Variants in PRTG observed in about 807,000 individuals in gnomAD.
PRTG encodes immunoglobulin superfamily, DCC subclass, member 5.
PRTG carries 67 observed loss-of-function variants against 122.5 expected under a neutral mutation model. That is an observed-to-expected ratio of 0.55 (90% CI 0.45 to 0.67). The LOEUF (loss-of-function observed/expected upper bound fraction) is 0.67, where lower values mean the gene tolerates loss of function less well. PRTG is among the 30% of genes least tolerant of loss of function. PRTG has a pLI of 0.00. For missense variants in PRTG, 1,435 were observed against 1,415.4 expected (o/e 1.01, Z -0.22); for synonymous variants, 554 against 501.1 (o/e 1.11, Z -1.41).
chr15:55,725,985 C>T lies in PRTG; in HGVS notation c.397+14397G>A, dbSNP rs187368628. ...TTTGAGACAGAGTCTCACTCTGTTGCGAGGCTGGAGTGCAGTGGCGTGATC... is the reference window on the plus strand; with the variant it reads ...TTTGAGACAGAGTCTCACTCTGTTGTGAGGCTGGAGTGCAGTGGCGTGATC... On this transcript the variant is annotated intron_variant, in intron 2 of 19. Coordinates refer to ENST00000389286, the MANE Select transcript of PRTG (RefSeq NM_173814.6). Among the ~76,000 whole-genome samples the T allele has an allele frequency of 7.9e-5, 12 of 151,894 alleles. No homozygotes were observed. In the East Asian group the frequency reaches 2.1e-3, roughly 27 times the overall value.
At chr15:55,664,013 T>C (rs963476427) in intron 11 of PRTG, among the ~76,000 whole-genome samples, 10 of 152,238 alleles carry the variant, frequency 6.6e-5, no homozygotes, top group Non-Finnish European at 1.3e-4. Context: ...ATTGTACAGA[T>C]GTACTGCAGT....
rs372777171 is a variant in PRTG, at chr15:55,673,500, C to T, written c.1723G>A (p.Glu575Lys). ...QVLELPGTTH[E>K]YLLEGLKPDS... is the part of the protein sequence containing the mutation. ...GGTTTCAGGCCTTCCAAAAGGTACT[C>T]ATGCGTGGTCCCCGGGAGCTCCAGA... Residue 575 changes from glutamate to lysine, a missense_variant, in exon 10 of 20, where the codon GAG (glutamate) becomes AAG (lysine). Physicochemically the swap from Glu to Lys is moderately conservative, Grantham distance 56 (BLOSUM62 1). Transcript: ENST00000389286. 3 of 1,614,164 alleles carry T rather than the reference C, an allele frequency of 1.9e-6. No homozygotes were observed. Among genetic ancestry groups the T allele is most frequent in the Non-Finnish European group, 2.5e-6 (3 of 1,180,022 alleles).
chr15:55,693,907 G>A (rs1406469640), intron 2 of PRTG, among the ~76,000 whole-genome samples: 19 of 152,110 alleles, frequency 1.2e-4, no homozygotes, highest in Admixed American at 1.2e-3. Context: ...ACAAAGGATG[G>A]CAGTGATCCT....
chr15:55,624,248 C>A, intron 18 of PRTG, 94 bp downstream of exon 18: 1 of 1,065,604 alleles, frequency 9.4e-7, no homozygotes, highest in Admixed American at 2.0e-5. Context: ...TGGTATAATA[C>A]ATTCAACATA....
chr15:55,680,160 G>A lies in PRTG; in HGVS notation c.867C>T (p.Leu289=). Residue 289 remains leucine, a synonymous_variant, in exon 6 of 20, where the codon CTC becomes CTT. Transcript: ENST00000389286. ...FNTRVLGNGN[L]MISDVRLQHA... ...GTTGTAGCCTGACATCAGATATCAT[G>A]AGATTACCATTTCCAAGTACCCGAG... 2 of 1,612,028 alleles carry A rather than the reference G, an allele frequency of 1.2e-6. No homozygotes were observed. The highest frequency in any genetic ancestry group is 1.7e-6 in the Non-Finnish European group (2 of 1,178,184).
intron 2 of PRTG, among the ~76,000 whole-genome samples, chr15:55,723,743 T>C (rs1275385512): frequency 9.3e-6 from 1 of 107,880 alleles, no homozygotes; most frequent in Admixed American, 1.1e-4. Flanking sequence ...CCATATTCTT[T>C]TCTTTTTTCT....
At chr15:55,718,133 C>T (rs900594473) in intron 2 of PRTG, among the ~76,000 whole-genome samples, 2 of 152,170 alleles carry the variant, frequency 1.3e-5, no homozygotes, top group South Asian at 2.1e-4. Flanking sequence ...TTTCAACTCA[C>T]ACCTAACCTA....
intron 2 of PRTG, among the ~76,000 whole-genome samples, chr15:55,733,334 A>G (rs2031300789): frequency 6.6e-6 from 1 of 151,874 alleles, no homozygotes; most frequent in Non-Finnish European, 1.5e-5. Flanking sequence ...AACGTGGAGA[A>G]ACCCTGTCTC....
At chr15:55,711,065 C>T (rs893744930) in intron 2 of PRTG, among the ~76,000 whole-genome samples, 32 of 150,222 alleles carry the variant, frequency 2.1e-4, no homozygotes, top group African/African-American at 7.6e-4. Flanking sequence ...TGCCACCACA[C>T]CCAGCTAATT....
chr15:55,683,417 G>A (rs2059552345), intron 3 of PRTG, among the ~76,000 whole-genome samples: 1 of 152,116 alleles, frequency 6.6e-6, no homozygotes, highest in Non-Finnish European at 1.5e-5. Flanking sequence ...GGCAGAGACA[G>A]GAGTGGGCAG....
chr15:55,642,415 G>C (rs553680331), intron 11 of PRTG, among the ~76,000 whole-genome samples: 2 of 151,686 alleles, frequency 1.3e-5, no homozygotes, highest in African/African-American at 4.8e-5. Context: ...TCGGGAGTTC[G>C]AGATGAGCCC....
intron 17 of PRTG, among the ~76,000 whole-genome samples, chr15:55,625,213 T>C (rs2059188095): frequency 6.6e-6 from 1 of 152,204 alleles, no homozygotes; most frequent in Admixed American, 6.5e-5. Context: ...ACAAGTTCAC[T>C]GAATGCAAGT....
chr15:55,707,356 G>C (rs1455900709), intron 2 of PRTG, among the ~76,000 whole-genome samples: 1 of 152,140 alleles, frequency 6.6e-6, no homozygotes, highest in African/African-American at 2.4e-5. Flanking sequence ...TATAAAATCA[G>C]ATTCCCTAAA....
chr15:55,693,278 G>A (rs1387279059), intron 2 of PRTG, among the ~76,000 whole-genome samples: 4 of 152,162 alleles, frequency 2.6e-5, no homozygotes, highest in African/African-American at 9.7e-5. Context: ...CCAACAAGGA[G>A]AAACCCTGTC....
rs552048503 is a variant in PRTG at position 55,612,110 on chromosome 15, T to C, written c.*7902A>G. 1 of 152,172 alleles carries C rather than the reference T, an allele frequency of 6.6e-6. No homozygotes were observed. The highest frequency in any genetic ancestry group is 1.5e-5 in the Non-Finnish European group (1 of 67,974). 9.4% of individuals were successfully genotyped at this position (152,172 alleles called of 1,614,324 possible). ...TCTTAACATATGTCCTCTACTCTAC[T>C]GATAGGCTAAGGCAATGTGTGTGTA... On this transcript the variant is annotated 3_prime_UTR_variant, in exon 20 of 20. Transcript: ENST00000389286.
intron 2 of PRTG, among the ~76,000 whole-genome samples, chr15:55,728,639 A>G (rs1471896598): frequency 6.6e-6 from 1 of 152,230 alleles, no homozygotes; most frequent in Non-Finnish European, 1.5e-5. Flanking sequence ...AAGCCTCACA[A>G]TATCATACTC....
chr15:55,741,522 T>C (rs1199859424), intron 1 of PRTG, among the ~76,000 whole-genome samples: 1 of 152,208 alleles, frequency 6.6e-6, no homozygotes, highest in African/African-American at 2.4e-5. Flanking sequence ...ACATCGCCCC[T>C]GGGCCCTCGC....
chr15:55,740,680 C>A lies in PRTG; in HGVS notation c.99G>T (p.Val33=). 6.2e-7 allele frequency: 1 copy of A among 1,610,582 alleles called. No homozygotes were observed. The highest frequency in any genetic ancestry group is 8.5e-7 in the Non-Finnish European group (1 of 1,178,704). ...LLLLLSPLPG[V]WCFSELSFVK... ...CAAAAGACAGTTCGCTAAAGCACCACACTCCTATAAGGAAAAAAAAGGAGA... is the reference window on the plus strand; with the variant it reads ...CAAAAGACAGTTCGCTAAAGCACCAAACTCCTATAAGGAAAAAAAAGGAGA... The change falls in exon 2 of 20, where the codon GTG becomes GTT. Residue 33 remains valine (V), a synonymous_variant. Coordinates refer to ENST00000389286, the MANE Select transcript of PRTG (RefSeq NM_173814.6).
chr15:55,665,507 GT>G (rs372611832), intron 11 of PRTG, among the ~76,000 whole-genome samples: 50,815 of 121,412 alleles, frequency 0.42, 11,305 homozygotes, highest in Non-Finnish European at 0.55. Context: ...GGTTTTTTTT[GT>G]TTTTTTTTTT....
Sources: allele counts gnomAD v4.1 joint callset (sites outside exome capture counted in the v4.1 genomes callset), GRCh38; gene constraint gnomAD v4.1.1; transcripts MANE v1.5; gene names NCBI Gene and HGNC (gene_info 2026-07-23, HGNC 2026-07-21).